Variants in BMP6 observed in about 807,000 individuals in gnomAD.
BMP6 encodes bone morphogenetic protein 6.
A neutral mutation model predicts 54.1 loss-of-function variants in BMP6; 17 were observed. The observed-to-expected ratio is 0.31, with a 90% CI of 0.22 to 0.47. BMP6 has a LOEUF of 0.47. BMP6 is among the 20% of genes least tolerant of loss of function. The pLI, the probability that BMP6 is intolerant of heterozygous loss-of-function variation, is 1.00. For synonymous variants in BMP6, 328 were observed against 291.2 expected, an observed-to-expected ratio of 1.13 and a Z score of -1.28; for missense variants, 720 against 690.4, an observed-to-expected ratio of 1.04 and a Z score of -0.48.
At chr6:7,736,985 C>G (rs1269557814) in intron 1 of BMP6, among the ~76,000 whole-genome samples, 2 of 152,088 alleles carry the variant, frequency 1.3e-5, no homozygotes, top group African/African-American at 4.8e-5. Flanking sequence ...GTCAGGAGTT[C>G]AAGACCGGCC....
chr6:7,741,783 G>A (rs1234185109), intron 1 of BMP6, among the ~76,000 whole-genome samples: 1 of 152,242 alleles, frequency 6.6e-6, no homozygotes, highest in Non-Finnish European at 1.5e-5. Context: ...GCTGCATGAG[G>A]CTTCAACGAA....
At chr6:7,730,114 A>G (rs1364300414) in intron 1 of BMP6, among the ~76,000 whole-genome samples, 1 of 152,290 alleles carries the variant, frequency 6.6e-6, no homozygotes, top group South Asian at 2.1e-4. Flanking sequence ...TGTAAAGTAT[A>G]GTCATATTTA....
At position 7,821,992 on chromosome 6, in the gene BMP6, C is replaced by G. The variant is rs1758617919; in HGVS notation, c.665-23148C>G. On this transcript the variant is annotated intron_variant, in intron 1 of 6. Coordinates refer to ENST00000283147, the MANE Select transcript of BMP6 (RefSeq NM_001718.6). ...TCCCTCTACCCAGTGAAACCATCAA[C>G]TGACTGCACGTTGCCATGGACTGCA... 2.0e-5 allele frequency among the ~76,000 whole-genome samples: 3 copies of G among 151,696 alleles called. 1 individual carries two copies. Among genetic ancestry groups the G allele is most frequent in the African/African-American group, 4.8e-5 (2 of 41,304 alleles).
intron 1 of BMP6, among the ~76,000 whole-genome samples, chr6:7,785,889 G>T (rs1758012892): frequency 6.6e-6 from 1 of 152,050 alleles, no homozygotes. Flanking sequence ...TGGTAACTTA[G>T]TTACTGAAAA....
At chr6:7,817,805 A>G (rs1031588875) in intron 1 of BMP6, among the ~76,000 whole-genome samples, 8 of 152,200 alleles carry the variant, frequency 5.3e-5, no homozygotes, top group African/African-American at 1.9e-4. Flanking sequence ...GCTAACCAAG[A>G]TATTAGATTA....
intron 1 of BMP6, among the ~76,000 whole-genome samples, chr6:7,810,116 G>A (rs1758414360): frequency 6.6e-6 from 1 of 152,124 alleles, no homozygotes; most frequent in African/African-American, 2.4e-5. Flanking sequence ...ATGTATTGAT[G>A]GGGAAAATTT....
At chr6:7,766,385 G>T (rs1467929834) in intron 1 of BMP6, among the ~76,000 whole-genome samples, 1 of 152,188 alleles carries the variant, frequency 6.6e-6, no homozygotes. Context: ...GGCTGAAGTG[G>T]AAGGATTGCT....
intron 1 of BMP6, among the ~76,000 whole-genome samples, chr6:7,800,161 C>T (rs1314850481): frequency 1.3e-5 from 2 of 151,038 alleles, no homozygotes; most frequent in African/African-American, 4.9e-5. Context: ...TTTCTTCCCT[C>T]CTCACATACC....
chr6:7,807,921 T>C (rs910263277), intron 1 of BMP6, among the ~76,000 whole-genome samples: 3 of 127,526 alleles, frequency 2.4e-5, no homozygotes, highest in Admixed American at 1.5e-4. Flanking sequence ...TACTTTTTTT[T>C]TTTTTTTTTT....
rs1270419419 is a variant in BMP6, at chr6:7,726,547, T to A, written c.-409T>A. On this transcript the variant is annotated 5_prime_UTR_variant, in exon 1 of 7. Coordinates refer to ENST00000283147, the MANE Select transcript of BMP6 (RefSeq NM_001718.6). ...CGCTCCCCGCTGCCCCGGGTCCCAC[T>A]CAGTCGCCAGGGAGAGCGCGGGGCA... Among the ~76,000 whole-genome samples the A allele has an allele frequency of 6.6e-6, 1 of 152,010 alleles. No homozygotes were observed. Among genetic ancestry groups the A allele is most frequent in the Non-Finnish European group, 1.5e-5 (1 of 67,992 alleles).
At chr6:7,754,055 T>G (rs1194933958) in intron 1 of BMP6, among the ~76,000 whole-genome samples, 1 of 152,182 alleles carries the variant, frequency 6.6e-6, no homozygotes, top group East Asian at 1.9e-4. Context: ...TGTTATTGGG[T>G]AGAGTGTTCA....
chr6:7,800,460 T>C (rs1372997744), intron 1 of BMP6, among the ~76,000 whole-genome samples: 1 of 152,288 alleles, frequency 6.6e-6, no homozygotes, highest in East Asian at 1.9e-4. Context: ...AGCCTGAGTG[T>C]CTCACAAAAT....
chr6:7,846,472 G>A (rs1033285474), intron 2 of BMP6, among the ~76,000 whole-genome samples: 3 of 152,172 alleles, frequency 2.0e-5, no homozygotes, highest in Non-Finnish European at 2.9e-5. Flanking sequence ...TGAAAGCACC[G>A]CCAGCATCCA....
At chr6:7,856,534 C>T (rs1164244670) in intron 2 of BMP6, among the ~76,000 whole-genome samples, 1 of 150,900 alleles carries the variant, frequency 6.6e-6, no homozygotes, top group East Asian at 1.9e-4. Context: ...ACAGAATCAC[C>T]TTACTGAGTA....
chr6:7,817,359 C>T (rs9502651), intron 1 of BMP6, among the ~76,000 whole-genome samples: 1 of 151,966 alleles, frequency 6.6e-6, no homozygotes, highest in African/African-American at 2.4e-5. Flanking sequence ...CAAAAACTGC[C>T]TGATGCACAT....
intron 1 of BMP6, among the ~76,000 whole-genome samples, chr6:7,791,497 C>A (rs1369458956): frequency 6.6e-6 from 1 of 152,120 alleles, no homozygotes; most frequent in African/African-American, 2.4e-5. Flanking sequence ...CTGTCCTTGG[C>A]CCTCTCTGCT....
At chr6:7,774,002 CAG>C (rs1757825882) in intron 1 of BMP6, among the ~76,000 whole-genome samples, 1 of 152,202 alleles carries the variant, frequency 6.6e-6, no homozygotes, top group Admixed American at 6.5e-5. Flanking sequence ...CTGTTATTTC[CAG>C]AGAGACGTGG....
At chr6:7,823,750 T>G (rs1395670744) in intron 1 of BMP6, among the ~76,000 whole-genome samples, 1 of 152,190 alleles carries the variant, frequency 6.6e-6, no homozygotes, top group East Asian at 1.9e-4. Context: ...GCAAAGGTCC[T>G]GTGGCAGGAG....
chr6:7,840,595 G>A (rs1180748330), intron 1 of BMP6, among the ~76,000 whole-genome samples: 1 of 152,128 alleles, frequency 6.6e-6, no homozygotes, highest in South Asian at 2.1e-4. Context: ...AGAGAAGGAA[G>A]TGAGTTTTAT....
Sources: allele counts gnomAD v4.1 joint callset (sites outside exome capture counted in the v4.1 genomes callset), GRCh38; gene constraint gnomAD v4.1.1; transcripts MANE v1.5; gene names NCBI Gene and HGNC (gene_info 2026-07-23, HGNC 2026-07-21).